Variants in SCML4 observed in about 807,000 individuals in gnomAD.
SCML4 encodes the protein sex comb on midleg-like protein 4.
Under a neutral mutation model 41.1 loss-of-function variants are expected in SCML4, and 34 were observed. That is an observed-to-expected ratio of 0.83 (90% confidence interval 0.63 to 1.10). SCML4 has a LOEUF of 1.10. Among genes scored for constraint, SCML4 ranks in the 50% least tolerant of loss-of-function variants. SCML4 has a pLI of 0.00. For synonymous variants in SCML4, 214 were observed against 220.9 expected (o/e 0.97, Z 0.28); for missense variants, 522 against 534.1 (o/e 0.98, Z 0.22).
intron 1 of SCML4, among the ~76,000 whole-genome samples, chr6:107,779,012 C>G (rs1361368046): frequency 3.9e-5 from 6 of 151,998 alleles, no homozygotes; most frequent in Non-Finnish European, 8.8e-5. Flanking sequence ...AACCCCGTCT[C>G]TACTAAAAAT....
chr6:107,736,052 G>A (rs912618133), intron 5 of SCML4, among the ~76,000 whole-genome samples: 1 of 152,106 alleles, frequency 6.6e-6, no homozygotes, highest in Non-Finnish European at 1.5e-5. Context: ...ACTTGTGTGG[G>A]TTTTGTAGAA....
chr6:107,803,141 AT>A (rs1783361419), intron 1 of SCML4, among the ~76,000 whole-genome samples: 1 of 147,574 alleles, frequency 6.8e-6, no homozygotes, highest in Non-Finnish European at 1.5e-5. Context: ...AAGTGCCGAG[AT>A]TGCGCCTTTG....
intron 5 of SCML4, among the ~76,000 whole-genome samples, chr6:107,722,925 A>C (rs1299242297): frequency 6.6e-6 from 1 of 152,228 alleles, no homozygotes; most frequent in Non-Finnish European, 1.5e-5. Flanking sequence ...AGATTTGAGC[A>C]AAAATTAATT....
In SCML4 at chr6:107,772,360, A is replaced by G; in HGVS notation, c.-33T>C. 6.5e-7 allele frequency: 1 copy of G among 1,537,556 alleles called. No homozygotes were observed. The highest frequency in any genetic ancestry group is 8.8e-7 in the Non-Finnish European group (1 of 1,140,940). On this transcript the variant is annotated 5_prime_UTR_variant, in exon 2 of 8. Transcript: ENST00000369020. ...GGTGCCAGTCTTACAGAATGAGGTG[A>G]CAAATCGCTCACAGGCAGAAGAGGT... is the stretch of plus-strand genomic sequence containing the variant.
chr6:107,796,493 G>T (rs1185497456), intron 1 of SCML4, among the ~76,000 whole-genome samples: 1 of 152,106 alleles, frequency 6.6e-6, no homozygotes, highest in Non-Finnish European at 1.5e-5. Flanking sequence ...GGGGTTGTTT[G>T]CCTCTTACAT....
intron 5 of SCML4, among the ~76,000 whole-genome samples, chr6:107,740,643 G>A (rs139173362): frequency 1.1e-4 from 16 of 152,316 alleles, no homozygotes; most frequent in African/African-American, 3.4e-4. Flanking sequence ...CTGGAGGTGC[G>A]AGAGGGCTTC....
upstream of SCML4, among the ~76,000 whole-genome samples, chr6:107,824,577 A>G (rs1027010349): frequency 1.3e-5 from 2 of 151,532 alleles, no homozygotes; most frequent in Admixed American, 6.6e-5. Context: ...TTTTGTCGAC[A>G]TGAGCTGCAA....
chr6:107,717,621 CA>C (rs1774969523), intron 6 of SCML4, among the ~76,000 whole-genome samples: 1 of 152,188 alleles, frequency 6.6e-6, no homozygotes, highest in Non-Finnish European at 1.5e-5. Flanking sequence ...AATCTCTGCT[CA>C]CTGCAACCTC....
chr6:107,773,403 A>C (rs1040308915), intron 1 of SCML4, among the ~76,000 whole-genome samples: 2 of 151,870 alleles, frequency 1.3e-5, no homozygotes, highest in African/African-American at 4.8e-5. Context: ...ACTAGCCTGG[A>C]CAACATAGCG....
chr6:107,748,839 C>T (rs1778361698), intron 3 of SCML4, among the ~76,000 whole-genome samples: 1 of 152,146 alleles, frequency 6.6e-6, no homozygotes, highest in South Asian at 2.1e-4. Context: ...TCGTGAGGAC[C>T]TTCTGGGGAG....
At chr6:107,788,194 A>G (rs914397846) in intron 1 of SCML4, among the ~76,000 whole-genome samples, 2 of 152,212 alleles carry the variant, frequency 1.3e-5, no homozygotes, top group Non-Finnish European at 2.9e-5. Flanking sequence ...GACAAGGACC[A>G]TGTTTCTGCA....
chr6:107,709,264 G>C (rs944714807), intron 6 of SCML4, among the ~76,000 whole-genome samples: 1 of 152,168 alleles, frequency 6.6e-6, no homozygotes, highest in East Asian at 1.9e-4. Flanking sequence ...CTTAATGGAG[G>C]GGGAGAAGAG....
intron 5 of SCML4, among the ~76,000 whole-genome samples, chr6:107,742,750 A>T (rs2114486018): frequency 6.6e-6 from 1 of 152,350 alleles, no homozygotes; most frequent in African/African-American, 2.4e-5. Flanking sequence ...GACAAACAAA[A>T]GCAGAGAGAA....
At position 107,759,292 on chromosome 6, in the gene SCML4, TG is replaced by T. The variant is rs1225362230; in HGVS notation, c.157-9480del. On this transcript the variant is annotated intron_variant, in intron 2 of 7. Coordinates refer to ENST00000369020, the MANE Select transcript of SCML4 (RefSeq NM_198081.5). The stretch of plus-strand genomic sequence containing the variant: ...TTGCAGTAAGCCGAGATTGCGCCAC[TG>T]CACTCCAATCTGGGAGACAGAGCCA... 2.0e-5 allele frequency among the ~76,000 whole-genome samples: 3 copies of T among 151,950 alleles called. No individual in the cohort carries two copies. The East Asian group carries it at 5.8e-4, about 29-fold the overall frequency.
intron 1 of SCML4, among the ~76,000 whole-genome samples, chr6:107,799,833 T>C (rs1017095748): frequency 6.6e-6 from 1 of 152,162 alleles, no homozygotes; most frequent in African/African-American, 2.4e-5. Context: ...TACTTGTTTT[T>C]ATCTTTAGAG....
At chr6:107,726,076 CA>C (rs59523273) in intron 5 of SCML4, among the ~76,000 whole-genome samples, 82,304 of 104,898 alleles carry the variant, frequency 0.78, 31,360 homozygotes, top group South Asian at 0.86. Context: ...GACCCAGTCT[CA>C]AAAAAAAAAA....
intron 2 of SCML4, among the ~76,000 whole-genome samples, chr6:107,762,876 C>CTTTTTTTTTTTTTTTTTTTTTTT (rs57370632): frequency 3.3e-5 from 3 of 89,658 alleles, no homozygotes; most frequent in African/African-American, 4.6e-5. Context: ...TAAATGCACT[C>CTTTTTTTTTTTTTTTTTTTTTTT]TTTTTTTTTT....
At chr6:107,717,082 G>A (rs1365311204) in intron 6 of SCML4, among the ~76,000 whole-genome samples, 8 of 145,508 alleles carry the variant, frequency 5.5e-5, no homozygotes, top group African/African-American at 1.5e-4. Context: ...GGCAGATCAC[G>A]AGGTCAGGAG....
chr6:107,830,657 C>T, the SCML4 span, among the ~76,000 whole-genome samples: 2 of 152,034 alleles, frequency 1.3e-5, no homozygotes, highest in Admixed American at 1.3e-4. Flanking sequence ...GAGATCTCAT[C>T]TTAATCTATG....
Sources: allele counts gnomAD v4.1 joint callset (sites outside exome capture counted in the v4.1 genomes callset), GRCh38; gene constraint gnomAD v4.1.1; transcripts MANE v1.5; gene names NCBI Gene and HGNC (gene_info 2026-07-23, HGNC 2026-07-21).